PPP1CB: variants seen among roughly 807,000 people sequenced by gnomAD.
PPP1CB encodes the protein protein phosphatase 1 catalytic subunit beta.
PPP1CB carries 2 observed loss-of-function variants against 43.7 expected under a neutral mutation model. The ratio of observed to expected loss-of-function variants is 0.05; its 90% confidence interval spans 0.02 to 0.14. The LOEUF (loss-of-function observed/expected upper bound fraction) is 0.14. Ranked by LOEUF, PPP1CB falls within the 10% of genes least tolerant of loss-of-function variation. The pLI is 1.00. For missense variants in PPP1CB, 84 were observed against 398.0 expected, an observed-to-expected ratio of 0.21 and a Z score of 6.71; for synonymous variants, 136 against 135.6, an observed-to-expected ratio of 1.00 and a Z score of -0.02.
At position 28,780,181 on chromosome 2, in the gene PPP1CB, C is replaced by T. The variant is rs761661569; in HGVS notation, c.415+1142C>T. The stretch of plus-strand genomic sequence containing the variant: ...TCAGCTCACTGCAACCTCCGCCTCC[C>T]GGGTTCAAGCGATTCTCCTGCCTCA... On this transcript the variant is annotated intron_variant, in intron 3 of 7. Coordinates refer to ENST00000395366, the MANE Select transcript of PPP1CB (RefSeq NM_002709.3). 2.0e-5 allele frequency among the ~76,000 whole-genome samples: 3 copies of T among 151,358 alleles called. No homozygotes were observed. The South Asian group carries it at 6.3e-4, about 32-fold the overall frequency.
At chr2:28,784,258 CTCAT>C (rs1302536189) in intron 5 of PPP1CB, among the ~76,000 whole-genome samples, 2 of 152,100 alleles carry the variant, frequency 1.3e-5, no homozygotes, top group Non-Finnish European at 2.9e-5. Context: ...TCTAAATTCC[CTCAT>C]TCATACTAGC....
chr2:28,794,622 C>CA (rs1178806901), intron 7 of PPP1CB, among the ~76,000 whole-genome samples: 2 of 151,888 alleles, frequency 1.3e-5, no homozygotes. Context: ...ACCCGGGAGG[C>CA]AGAGGTTGCA....
intron 5 of PPP1CB, among the ~76,000 whole-genome samples, chr2:28,788,064 A>G (rs1302273149): frequency 1.3e-5 from 2 of 152,132 alleles, no homozygotes; most frequent in Non-Finnish European, 2.9e-5. Flanking sequence ...ATACAATTCC[A>G]GTGAAATCAC....
At chr2:28,778,517 A>T in intron 2 of PPP1CB, 1 of 496,640 alleles carries the variant, frequency 2.0e-6, no homozygotes, top group Non-Finnish European at 4.0e-6. Flanking sequence ...TGTTGGTCAG[A>T]GGCCTCCCTC....
At chr2:28,751,829 T>A, upstream of PPP1CB, 2 of 493,206 alleles carry the variant, frequency 4.1e-6, no homozygotes, top group South Asian at 3.9e-5. Flanking sequence ...TGGTGAGCTT[T>A]GCGGAGCTGG....
intron 5 of PPP1CB, among the ~76,000 whole-genome samples, chr2:28,784,242 T>A (rs1249321821): frequency 2.0e-5 from 3 of 152,236 alleles, no homozygotes; most frequent in Non-Finnish European, 4.4e-5. Context: ...TCCTTATACC[T>A]ATTTTTCTAA....
Position 28,752,016 on chromosome 2 carries a change from C to A in PPP1CB, c.-109C>A. The A allele has an allele frequency of 9.1e-7, 1 of 1,095,712 alleles. No homozygotes were observed. The highest frequency in any genetic ancestry group is 1.3e-5 in the South Asian group (1 of 74,818). 67.9% of individuals were successfully genotyped at this position (1,095,712 alleles called of 1,614,324 possible). On this transcript the variant is annotated 5_prime_UTR_variant, in exon 1 of 8. Transcript: ENST00000395366. ...GAAAAGGGGGAGTTGGAGCCGGGGT[C>A]GAAACGCCGCGTGACTTGTAGGTGA... is the stretch of plus-strand genomic sequence containing the variant.
chr2:28,767,660 G>A (rs1027240161), intron 1 of PPP1CB, among the ~76,000 whole-genome samples: 5 of 152,114 alleles, frequency 3.3e-5, no homozygotes, highest in African/African-American at 4.8e-5. Context: ...CTCTGCCATT[G>A]TAGCATGAAT....
intron 1 of PPP1CB, among the ~76,000 whole-genome samples, chr2:28,772,462 T>C (rs1298933999): frequency 2.0e-5 from 3 of 152,198 alleles, no homozygotes; most frequent in Non-Finnish European, 4.4e-5. Context: ...GGATTATGAA[T>C]TGGTATAGCC....
chr2:28,777,480 A>G (rs534980628), intron 2 of PPP1CB, among the ~76,000 whole-genome samples: 6 of 152,342 alleles, frequency 3.9e-5, no homozygotes, highest in African/African-American at 1.2e-4. Context: ...TAGAGGGTCA[A>G]TATGGCGATA....
intron 1 of PPP1CB, among the ~76,000 whole-genome samples, chr2:28,771,254 A>G (rs973097469): frequency 1.3e-5 from 2 of 151,842 alleles, no homozygotes; most frequent in African/African-American, 4.8e-5. Flanking sequence ...GAGTTTCACC[A>G]TGTTGGCCAG....
intron 1 of PPP1CB, among the ~76,000 whole-genome samples, chr2:28,764,407 C>G (rs1666733821): frequency 6.7e-6 from 1 of 149,950 alleles, no homozygotes; most frequent in African/African-American, 2.5e-5. Flanking sequence ...TTGCAGTGAG[C>G]TGAGATTGTG....
In PPP1CB at chr2:28,752,093, C is replaced by G. The variant is rs1666307258; in HGVS notation, c.-32C>G. On this transcript the variant is annotated 5_prime_UTR_variant, in exon 1 of 8. Transcript: ENST00000395366. ...TCCGCCGCCGAGAAGCCCTTGTTCC[C>G]GCTGCTGGGAAGGAGAGTCTGTGCC... The G allele has an allele frequency of 6.5e-7, 1 of 1,549,094 alleles. No homozygotes were observed. Among genetic ancestry groups the G allele is most frequent in the Non-Finnish European group, 8.7e-7 (1 of 1,145,334 alleles).
rs1666884265 is a variant in PPP1CB, at chr2:28,770,565, T to A, written c.53-6286T>A. Among the ~76,000 whole-genome samples, 2 of 152,090 alleles carry A rather than the reference T, an allele frequency of 1.3e-5. 1 individual carries two copies. The highest frequency in any genetic ancestry group is 4.1e-4 in the South Asian group (2 of 4,836). The stretch of plus-strand genomic sequence containing the variant: ...GAAAAATATCTAAAATTTTTATATA[T>A]GTAATAGTATAGGTCTAAAACTAAA... On this transcript the variant is annotated intron_variant, in intron 1 of 7. Coordinates refer to ENST00000395366, the MANE Select transcript of PPP1CB (RefSeq NM_002709.3).
intron 3 of PPP1CB, among the ~76,000 whole-genome samples, chr2:28,781,053 A>G (rs1028640169): frequency 1.3e-4 from 20 of 152,088 alleles, no homozygotes; most frequent in Admixed American, 9.2e-4. Context: ...TAGGTATTTA[A>G]CTAGTCCACA....
At chr2:28,759,702 C>G (rs1446564434) in intron 1 of PPP1CB, among the ~76,000 whole-genome samples, 2 of 151,560 alleles carry the variant, frequency 1.3e-5, no homozygotes, top group Non-Finnish European at 2.9e-5. Flanking sequence ...ACCACAACCT[C>G]TGCCTCTCAG....
intron 1 of PPP1CB, among the ~76,000 whole-genome samples, chr2:28,753,256 G>C (rs1666381053): frequency 6.6e-6 from 1 of 152,166 alleles, no homozygotes; most frequent in Non-Finnish European, 1.5e-5. Context: ...TGTACTGTTT[G>C]CTTTCAAATT....
At chr2:28,751,784 G>A (rs750542083), upstream of PPP1CB, 9 of 401,728 alleles carry the variant, frequency 2.2e-5, no homozygotes, top group Non-Finnish European at 4.1e-5. Flanking sequence ...GACGTGCGGA[G>A]TGAGTGGCGC....
At chr2:28,786,876 G>T (rs1667278664) in intron 5 of PPP1CB, among the ~76,000 whole-genome samples, 1 of 152,086 alleles carries the variant, frequency 6.6e-6, no homozygotes, top group Non-Finnish European at 1.5e-5. Flanking sequence ...CACTGGGTGG[G>T]TGTATATTTT....
Sources: gnomAD v4.1 joint callset for allele counts (sites outside exome capture counted in the v4.1 genomes callset) on GRCh38, gnomAD v4.1.1 for gene constraint, MANE v1.5 for transcripts, NCBI Gene and HGNC (gene_info 2026-07-23, HGNC 2026-07-21) for gene names.